OTUD7A: variants seen among roughly 807,000 people sequenced by gnomAD.
OTUD7A encodes the protein OTU deubiquitinase 7A, also known as OTU domain-containing protein 7A.
OTUD7A carries 12 observed loss-of-function variants against 65.7 expected under a neutral mutation model. That is an observed-to-expected ratio of 0.18 (90% CI 0.12 to 0.30). The LOEUF (loss-of-function observed/expected upper bound fraction) is 0.30, where lower values mean the gene tolerates loss of function less well. Among genes scored for constraint, OTUD7A ranks in the 10% least tolerant of loss-of-function variants. The pLI is 1.00. For missense variants in OTUD7A, 1,148 were observed against 1,304.8 expected (o/e 0.88, Z 1.85); for synonymous variants, 641 against 586.3 (o/e 1.09, Z -1.35).
intron 3 of OTUD7A, among the ~76,000 whole-genome samples, chr15:31,587,637 T>C (rs1364267017): frequency 7.7e-6 from 1 of 129,998 alleles, no homozygotes; most frequent in Non-Finnish European, 1.6e-5. Context: ...GAGACTCCAT[T>C]TCAAAAAAAA....
At chr15:31,766,805 T>C in intron 1 of OTUD7A, 2 of 1,613,084 alleles carry the variant, frequency 1.2e-6, no homozygotes, top group Non-Finnish European at 1.7e-6. Context: ...TGTTTGGGCT[T>C]AGACTCTAAA....
chr15:31,480,174 A>G lies in OTUD7A; in HGVS notation c.*3120T>C, dbSNP rs185917055. On this transcript the variant is annotated 3_prime_UTR_variant, in exon 13 of 13. Transcript: ENST00000307050. ...ATGTTCTGAAAATAATACAAAAATA[A>G]TTTTTATAGTACAGTTTAAACTTGG... The G allele has an allele frequency of 1.3e-5, 2 of 152,278 alleles. No homozygotes were observed. Among genetic ancestry groups the G allele is most frequent in the African/African-American group, 2.4e-5 (1 of 41,542 alleles). The allele number at this position is 152,278 out of a possible 1,614,324, so 9.4% of individuals were successfully genotyped here. A position where few individuals can be genotyped will look rare whatever the true frequency, so the allele number is the denominator to read the frequency against.
At chr15:31,831,870 T>C (rs1168981973) in intron 1 of OTUD7A, among the ~76,000 whole-genome samples, 1 of 152,246 alleles carries the variant, frequency 6.6e-6, no homozygotes, top group Non-Finnish European at 1.5e-5. Context: ...CGCCGAGCAA[T>C]GACTGCCCAT....
intron 1 of OTUD7A, among the ~76,000 whole-genome samples, chr15:31,774,012 G>A (rs1455434257): frequency 6.6e-6 from 1 of 152,222 alleles, no homozygotes; most frequent in African/African-American, 2.4e-5. Flanking sequence ...GAAGCTAATG[G>A]CACAGTGGGT....
intron 1 of OTUD7A, among the ~76,000 whole-genome samples, chr15:31,742,301 T>C (rs954456002): frequency 6.6e-6 from 1 of 152,144 alleles, no homozygotes; most frequent in African/African-American, 2.4e-5. Context: ...ATTGGTTATA[T>C]ACATTTATTA....
intron 1 of OTUD7A, among the ~76,000 whole-genome samples, chr15:31,784,814 C>CA (rs1895629320): frequency 2.6e-5 from 4 of 152,122 alleles, no homozygotes; most frequent in Non-Finnish European, 5.9e-5. Flanking sequence ...ATTACTTTTT[C>CA]AAAAAGAATG....
chr15:31,512,457 G>A (rs1325050414), intron 8 of OTUD7A, among the ~76,000 whole-genome samples: 2 of 152,210 alleles, frequency 1.3e-5, no homozygotes, highest in African/African-American at 4.8e-5. Flanking sequence ...ATTTTTTTTA[G>A]CGAGGCCATT....
intron 3 of OTUD7A, among the ~76,000 whole-genome samples, chr15:31,610,244 T>C (rs1890361039): frequency 6.6e-6 from 1 of 152,104 alleles, no homozygotes; most frequent in Non-Finnish European, 1.5e-5. Context: ...AGCCTTGTCC[T>C]GGAAAACATC....
chr15:31,504,312 G>A (rs755286545), intron 8 of OTUD7A, among the ~76,000 whole-genome samples: 1 of 152,116 alleles, frequency 6.6e-6, no homozygotes, highest in Non-Finnish European at 1.5e-5. Flanking sequence ...TCACCCCAAT[G>A]GAGGAGAACA....
intron 3 of OTUD7A, among the ~76,000 whole-genome samples, chr15:31,639,243 T>C (rs1484830423): frequency 1.3e-5 from 2 of 152,186 alleles, no homozygotes; most frequent in African/African-American, 4.8e-5. Flanking sequence ...AGACTTTACA[T>C]AAGTGGAATT....
intron 1 of OTUD7A, among the ~76,000 whole-genome samples, chr15:31,694,868 CAG>C (rs1433665643): frequency 1.2e-4 from 18 of 150,512 alleles, no homozygotes; most frequent in African/African-American, 3.7e-4. Context: ...TTTTTTGAGA[CAG>C]AGTCTTGCTC....
intron 8 of OTUD7A, among the ~76,000 whole-genome samples, chr15:31,510,999 T>C (rs1226226868): frequency 2.5e-5 from 2 of 81,622 alleles, no homozygotes; most frequent in African/African-American, 7.4e-5. Context: ...GTAACATATG[T>C]ATATCTATAT....
chr15:31,632,779 G>A (rs1388569343), intron 3 of OTUD7A, among the ~76,000 whole-genome samples: 3 of 137,552 alleles, frequency 2.2e-5, no homozygotes, highest in South Asian at 2.1e-4. Context: ...CACCCAGTTC[G>A]AGCTTCCCGG....
chr15:31,524,090 C>G (rs2041975476), intron 8 of OTUD7A, among the ~76,000 whole-genome samples: 1 of 152,124 alleles, frequency 6.6e-6, no homozygotes, highest in Admixed American at 6.5e-5. Context: ...AGAAGCAACT[C>G]TGTTTGGTAG....
intron 3 of OTUD7A, among the ~76,000 whole-genome samples, chr15:31,571,921 C>T (rs555892564): frequency 1.4e-4 from 21 of 152,290 alleles, no homozygotes; most frequent in African/African-American, 5.1e-4. Flanking sequence ...CTTCTGCACC[C>T]TGGGACACTC....
intron 1 of OTUD7A, among the ~76,000 whole-genome samples, chr15:31,704,029 G>C (rs1323222284): frequency 6.0e-5 from 8 of 133,670 alleles, no homozygotes; most frequent in African/African-American, 1.8e-4. Flanking sequence ...AATGGAGACA[G>C]ATTAATGGTT....
At chr15:31,505,268 T>C (rs374403032) in intron 8 of OTUD7A, among the ~76,000 whole-genome samples, 15 of 152,300 alleles carry the variant, frequency 9.8e-5, no homozygotes, top group Middle Eastern at 6.8e-3. Flanking sequence ...GGAAGGAATG[T>C]TGAGAAAGGT....
At chr15:31,533,519 G>A (rs746052791) in intron 5 of OTUD7A, among the ~76,000 whole-genome samples, 2 of 152,168 alleles carry the variant, frequency 1.3e-5, no homozygotes, top group Non-Finnish European at 2.9e-5. Context: ...TTACAGGCAT[G>A]AGCCACCACG....
chr15:31,528,788 A>G (rs1187804983), intron 6 of OTUD7A, among the ~76,000 whole-genome samples: 1 of 152,242 alleles, frequency 6.6e-6, no homozygotes, highest in Admixed American at 6.5e-5. Context: ...CCAGGCCAAC[A>G]GGGGTTCCAC....
Sources: gnomAD v4.1 joint callset for allele counts (sites outside exome capture counted in the v4.1 genomes callset) on GRCh38, gnomAD v4.1.1 for gene constraint, MANE v1.5 for transcripts, NCBI Gene and HGNC (gene_info 2026-07-23, HGNC 2026-07-21) for gene names.